The following USP30 variants were observed in gnomAD, a reference collection of about 807,000 sequenced individuals.
USP30 encodes ubiquitin specific peptidase 30, also known as ubiquitin carboxyl-terminal hydrolase 30.
Under a neutral mutation model 68.2 loss-of-function variants are expected in USP30, and 41 were observed. The observed-to-expected ratio is 0.60, with a 90% CI of 0.47 to 0.78. The LOEUF is 0.78. Among genes scored for constraint, USP30 ranks in the 30% least tolerant of loss-of-function variants. The pLI, the probability that USP30 is intolerant of heterozygous loss-of-function variation, is 0.00. For missense variants in USP30, 522 were observed against 649.4 expected, an observed-to-expected ratio of 0.80 and a Z score of 2.13; for synonymous variants, 229 against 253.7, an observed-to-expected ratio of 0.90 and a Z score of 0.93.
upstream of USP30, among the ~76,000 whole-genome samples, chr12:109,050,751 G>GT (rs1273080003): frequency 6.6e-6 from 1 of 152,172 alleles, no homozygotes; most frequent in African/African-American, 2.4e-5. Flanking sequence ...GCTCACACCT[G>GT]TAATCCCAAC....
At chr12:109,038,221 G>A (rs1315846004) in intron 3 of USP30, among the ~76,000 whole-genome samples, 1 of 113,240 alleles carries the variant, frequency 8.8e-6, no homozygotes, top group African/African-American at 3.6e-5. Flanking sequence ...CTCCCCACCT[G>A]CCAGTTTCCA....
At chr12:109,069,598 T>A (rs1446542958) in intron 4 of USP30, among the ~76,000 whole-genome samples, 1 of 152,156 alleles carries the variant, frequency 6.6e-6, no homozygotes, top group Non-Finnish European at 1.5e-5. Flanking sequence ...GGCAATGGAG[T>A]CGTAGCAGCA....
Position 109,058,096 on chromosome 12 carries a change from C to T in USP30, c.364C>T (p.His122Tyr). ...SHQYLSLTLLHLLKALSCQEV... is the reference protein window; with the variant it reads ...SHQYLSLTLLYLLKALSCQEV... Reference sequence around the variant, plus strand: ...CCAGTATTTATCCTTAACACTCTTGCACCTTCTGAAAGGTATCTAGATGGG... The same window carrying T: ...CCAGTATTTATCCTTAACACTCTTGTACCTTCTGAAAGGTATCTAGATGGG... Residue 122 changes from histidine (H) to tyrosine (Y), a missense_variant, in exon 3 of 13, where the codon CAC (histidine) becomes TAC (tyrosine). His to Tyr is a moderately conservative substitution (Grantham distance 83, BLOSUM62 2). Transcript: ENST00000257548. The T allele has an allele frequency of 6.2e-7, 1 of 1,608,430 alleles. No homozygotes were observed. Among genetic ancestry groups the T allele is most frequent in the Non-Finnish European group, 8.5e-7 (1 of 1,178,072 alleles).
At chr12:109,081,868 T>A (rs1032740664) in intron 8 of USP30, 65 bp from the exon 9 acceptor site, 56 of 1,486,490 alleles carry the variant, frequency 3.8e-5, no homozygotes, top group South Asian at 6.8e-5. Flanking sequence ...CACACTGCCA[T>A]CTGCTAACAG....
At chr12:109,083,941 G>T (rs1174263927) in intron 11 of USP30, among the ~76,000 whole-genome samples, 11 of 152,182 alleles carry the variant, frequency 7.2e-5, no homozygotes, top group Non-Finnish European at 1.3e-4. Flanking sequence ...AGATGAGGTA[G>T]GGGACAGACT....
upstream of USP30, chr12:109,052,505 TC>T: frequency 2.0e-6 from 1 of 499,520 alleles, no homozygotes; most frequent in Non-Finnish European, 3.3e-6. Flanking sequence ...GCTATTGCTC[TC>T]CGGGGGCAGC....
Position 109,071,661 on chromosome 12 carries a change from G to A in USP30, c.530G>A (p.Arg177Gln), listed in dbSNP as rs756972206. Residue 177 changes from arginine (R) to glutamine (Q), a missense_variant, in exon 5 of 13, where the codon CGA becomes CAA. Transcript: ENST00000257548. ...ATTACCTCGTCATTGGAAGATGAGC[G>A]AGACCGCCAGCCTCGGGTCACACAT... ...HVITSSLEDE[R>Q]DRQPRVTHLF... 16 of 1,614,198 alleles carry A rather than the reference G, an allele frequency of 9.9e-6. No homozygotes were observed. Among genetic ancestry groups the A allele is most frequent in the Middle Eastern group, 1.6e-4 (1 of 6,062 alleles).
intron 3 of USP30, among the ~76,000 whole-genome samples, chr12:109,040,498 C>A (rs1197027756): frequency 1.3e-5 from 2 of 152,198 alleles, no homozygotes; most frequent in Non-Finnish European, 2.9e-5. Flanking sequence ...CAATTGTTAT[C>A]CCACACAGTT....
rs370788043 is a variant in USP30, at chr12:109,081,699, C to A, written c.781-234C>A. ...TCAGATTGAAAGATACCTAAAACAGCGTGGAAGTCCACAAGTTCGTGCAGT... is the reference window on the plus strand; with the variant it reads ...TCAGATTGAAAGATACCTAAAACAGAGTGGAAGTCCACAAGTTCGTGCAGT... On this transcript the variant is annotated intron_variant, in intron 8 of 12. Transcript: ENST00000257548. 267 of 598,186 alleles carry A rather than the reference C, an allele frequency of 4.5e-4. 1 individual carries two copies. Among genetic ancestry groups the A allele is most frequent in the Admixed American group, 9.3e-4 (31 of 33,288 alleles). The allele number at this position is 598,186 out of a possible 1,614,324, so 37.1% of individuals were successfully genotyped here. A position where few individuals can be genotyped will look rare whatever the true frequency, so the allele number is the denominator to read the frequency against.
rs773921791 is a variant in USP30 at position 109,082,914 on chromosome 12, T to G, written c.1020T>G (p.His340Gln). The change falls in exon 11 of 13, where the codon CAT (histidine) becomes CAG (glutamine). Residue 340 changes from histidine to glutamine, a missense_variant. Transcript: ENST00000257548. ...WSSHGTPLKR[H>Q]EHVQFNEFLM... is the part of the protein sequence containing the mutation. ...GCCACGGCACGCCTCTGAAGCGGCA[T>G]GAGCACGTGCAGTTCAATGAGTTCC... 2.5e-6 allele frequency: 4 copies of G among 1,614,212 alleles called. No individual in the cohort carries two copies. The highest frequency in any genetic ancestry group is 3.4e-6 in the Non-Finnish European group (4 of 1,180,030).
intron 7 of USP30, among the ~76,000 whole-genome samples, chr12:109,077,825 T>TG (rs374830297): frequency 0.043 from 6,569 of 151,060 alleles, 476 homozygotes; most frequent in African/African-American, 0.15. Flanking sequence ...GTGTTTGTGT[T>TG]GGGGGGGGAG....
At chr12:109,068,045 C>G (rs1260746573) in intron 4 of USP30, among the ~76,000 whole-genome samples, 1 of 152,126 alleles carries the variant, frequency 6.6e-6, no homozygotes, top group African/African-American at 2.4e-5. Context: ...CTTAAAGTAG[C>G]CCGAAACCTC....
chr12:109,060,562 G>C (rs1318568821), intron 3 of USP30, among the ~76,000 whole-genome samples: 1 of 152,090 alleles, frequency 6.6e-6, no homozygotes, highest in Middle Eastern at 3.2e-3. Context: ...GCAACTCGCT[G>C]CCAGCGTTCA....
Position 109,067,590 on chromosome 12 carries a change from G to A in USP30, c.443G>A (p.Arg148Lys), listed in dbSNP as rs756150369. The A allele has an allele frequency of 1.2e-6, 2 of 1,614,158 alleles. No individual in the cohort carries two copies. The highest frequency in any genetic ancestry group is 3.3e-5 in the Admixed American group (2 of 60,018). Residue 148 changes from arginine (R) to lysine (K), a missense_variant, in exon 4 of 13, where the codon AGA becomes AAA. Coordinates refer to ENST00000257548, the MANE Select transcript of USP30 (RefSeq NM_032663.5). ...GCAAGCTGCTTGTTGGATGTCTTAAGAATGTACAGATGGCAGATCTCATCA... is the reference window on the plus strand; with the variant it reads ...GCAAGCTGCTTGTTGGATGTCTTAAAAATGTACAGATGGCAGATCTCATCA... Reference protein sequence around the residue: ...LDASCLLDVLRMYRWQISSFE... With the variant: ...LDASCLLDVLKMYRWQISSFE...
intron 7 of USP30, among the ~76,000 whole-genome samples, chr12:109,080,445 AC>A (rs1763180842): frequency 6.6e-6 from 1 of 152,186 alleles, no homozygotes; most frequent in African/African-American, 2.4e-5. Flanking sequence ...TGCAAACTTT[AC>A]AATTGTTATC....
chr12:109,073,551 C>A lies in USP30; in HGVS notation c.720+19C>A. 1.1e-5 allele frequency: 17 copies of A among 1,586,502 alleles called. No individual in the cohort carries two copies. Among genetic ancestry groups the A allele is most frequent in the Non-Finnish European group, 1.5e-5 (17 of 1,154,966 alleles). On this transcript the variant is annotated intron_variant, in intron 7 of 12. Coordinates refer to ENST00000257548, the MANE Select transcript of USP30 (RefSeq NM_032663.5). ...ACACCAGGTAAATACAATACCAACA[C>A]TTGATATTTCCGGGAGAGGTTTTCC...
intron 3 of USP30, among the ~76,000 whole-genome samples, chr12:109,037,474 C>T (rs532022903): frequency 9.1e-4 from 138 of 151,972 alleles, no homozygotes; most frequent in African/African-American, 3.1e-3. Flanking sequence ...TTTTTTGTTT[C>T]TTCACATGTG....
chr12:109,040,073 T>G (rs930040056), intron 3 of USP30, among the ~76,000 whole-genome samples: 4 of 152,208 alleles, frequency 2.6e-5, no homozygotes, highest in Admixed American at 2.6e-4. Flanking sequence ...AATATTGTTT[T>G]TTTTCTACAT....
intron 3 of USP30, among the ~76,000 whole-genome samples, chr12:109,043,756 G>T (rs530186431): frequency 1.3e-5 from 2 of 152,108 alleles, no homozygotes; most frequent in Admixed American, 1.3e-4. Flanking sequence ...AAACTTTTGC[G>T]CATCAAAAGA....
Sources: gnomAD v4.1 joint callset for allele counts (sites outside exome capture counted in the v4.1 genomes callset) on GRCh38, gnomAD v4.1.1 for gene constraint, MANE v1.5 for transcripts, NCBI Gene and HGNC (gene_info 2026-07-23, HGNC 2026-07-21) for gene names.